Variants in GAS7 observed in about 807,000 individuals in gnomAD.
GAS7 encodes the protein growth arrest specific 7.
A neutral mutation model predicts 71.1 loss-of-function variants in GAS7; 28 were observed. The ratio of observed to expected loss-of-function variants is 0.39; its 90% confidence interval spans 0.29 to 0.54. GAS7 has a LOEUF of 0.54. Among genes scored for constraint, GAS7 ranks in the 20% least tolerant of loss-of-function variants. GAS7 has a pLI of 0.62. For synonymous variants in GAS7, 258 were observed against 245.8 expected (o/e 1.05, Z -0.46); for missense variants, 436 against 627.8 (o/e 0.69, Z 3.27).
At chr17:9,927,479 CA>C (rs565071341) in intron 9 of GAS7, among the ~76,000 whole-genome samples, 98 of 123,354 alleles carry the variant, frequency 7.9e-4, no homozygotes, top group Non-Finnish European at 8.7e-4. Flanking sequence ...GACTTGGTCT[CA>C]AAAAAAAAAA....
chr17:10,115,798 C>G (rs1036733182), intron 1 of GAS7, among the ~76,000 whole-genome samples: 1 of 152,206 alleles, frequency 6.6e-6, no homozygotes, highest in African/African-American at 2.4e-5. Flanking sequence ...CCGTGCCCCA[C>G]TCACCAACCT....
chr17:10,197,333 T>C (rs1215069111), intron 1 of GAS7, among the ~76,000 whole-genome samples: 1 of 152,216 alleles, frequency 6.6e-6, no homozygotes, highest in African/African-American at 2.4e-5. Context: ...TGAAGGTAAC[T>C]GTTAATTTAG....
chr17:9,967,786 G>A (rs2069782182), intron 4 of GAS7, among the ~76,000 whole-genome samples: 2 of 152,154 alleles, frequency 1.3e-5, no homozygotes. Flanking sequence ...TTATGGTGCT[G>A]TAAATAATGT....
intron 3 of GAS7, among the ~76,000 whole-genome samples, chr17:9,975,686 T>C (rs1273803192): frequency 5.3e-5 from 8 of 152,216 alleles, no homozygotes; most frequent in Non-Finnish European, 1.5e-5. Context: ...AAAGGGTCAG[T>C]GTTACGGTCC....
chr17:10,137,182 C>T (rs2074045753), intron 1 of GAS7, among the ~76,000 whole-genome samples: 2 of 152,106 alleles, frequency 1.3e-5, no homozygotes, highest in South Asian at 4.1e-4. Flanking sequence ...CCAACTCGAG[C>T]TTCGTGGGCA....
intron 2 of GAS7, among the ~76,000 whole-genome samples, chr17:10,004,197 A>G (rs2071379493): frequency 6.6e-6 from 1 of 152,192 alleles, no homozygotes; most frequent in African/African-American, 2.4e-5. Flanking sequence ...TGCAAACAAG[A>G]AGCCATTCGC....
intron 1 of GAS7, among the ~76,000 whole-genome samples, chr17:10,077,709 A>T (rs3967769): frequency 1.1e-4 from 17 of 152,084 alleles, no homozygotes; most frequent in Non-Finnish European, 2.1e-4. Context: ...ACAAGCCATA[A>T]TGAAAACAGG....
chr17:9,927,519 A>C (rs984425923), intron 9 of GAS7, among the ~76,000 whole-genome samples: 1 of 151,806 alleles, frequency 6.6e-6, no homozygotes, highest in Non-Finnish European at 1.5e-5. Context: ...AAACAATAAT[A>C]ATCAATGACC....
chr17:10,172,667 C>G (rs1485526433), intron 1 of GAS7, among the ~76,000 whole-genome samples: 1 of 152,246 alleles, frequency 6.6e-6, no homozygotes, highest in Non-Finnish European at 1.5e-5. Context: ...TTACAACATT[C>G]TGCAGGGCTG....
intron 1 of GAS7, among the ~76,000 whole-genome samples, chr17:10,087,229 G>T (rs972542128): frequency 2.0e-5 from 3 of 152,206 alleles, no homozygotes; most frequent in Admixed American, 2.0e-4. Flanking sequence ...AGAGCACATG[G>T]GTTCAGCTAC....
intron 1 of GAS7, among the ~76,000 whole-genome samples, chr17:10,107,670 G>T (rs1333328115): frequency 1.3e-5 from 2 of 149,014 alleles, no homozygotes; most frequent in South Asian, 2.1e-4. Context: ...GTGGTGGTGG[G>T]CTGGGCAGGA....
chr17:10,144,868 A>G (rs1393387778), intron 1 of GAS7, among the ~76,000 whole-genome samples: 1 of 152,228 alleles, frequency 6.6e-6, no homozygotes, highest in East Asian at 1.9e-4. Flanking sequence ...TTTCTAAAAA[A>G]AAAGTCTTTT....
Position 10,015,783 on chromosome 17 carries a change from C to A in GAS7, c.304+3994G>T, listed in dbSNP as rs76650608. ...AGCTGACTCTTTGCCATCAGTAAGACACTCCCCATCCCCTAGCCCTTCCTT... is the reference window on the plus strand; with the variant it reads ...AGCTGACTCTTTGCCATCAGTAAGAAACTCCCCATCCCCTAGCCCTTCCTT... On this transcript the variant is annotated intron_variant, in intron 2 of 13. Coordinates refer to ENST00000432992, the MANE Select transcript of GAS7 (RefSeq NM_201433.2). Among the ~76,000 whole-genome samples, 1,457 of 152,180 alleles carry A rather than the reference C, an allele frequency of 9.6e-3. 48 individuals are homozygous for A. The East Asian group carries it at 0.099, about 10-fold the overall frequency.
At chr17:9,929,099 AC>A (rs1361281779) in intron 9 of GAS7, among the ~76,000 whole-genome samples, 1 of 151,946 alleles carries the variant, frequency 6.6e-6, no homozygotes, top group Non-Finnish European at 1.5e-5. Flanking sequence ...GAATAAATAA[AC>A]CCCTTTCCCA....
In GAS7 at chr17:10,034,693, G is replaced by A. The variant is rs2072705171; in HGVS notation, c.184-14796C>T. Among the ~76,000 whole-genome samples, 1 of 152,184 alleles carries A rather than the reference G, an allele frequency of 6.6e-6. No homozygotes were observed. Among genetic ancestry groups the A allele is most frequent in the South Asian group, 2.1e-4 (1 of 4,832 alleles). The stretch of plus-strand genomic sequence containing the variant: ...AGAAAAAAAGTCACATTCAAGTGTA[G>A]ACATGGGCATCATGTCTAGGAGGCA... On this transcript the variant is annotated intron_variant, in intron 1 of 13. Transcript: ENST00000432992. This position sits in a 1 kb window ranked among gnomAD's most constrained non-coding sequence, Gnocchi z 4.4.
chr17:10,012,156 C>A (rs927880621), intron 2 of GAS7, among the ~76,000 whole-genome samples: 4 of 152,106 alleles, frequency 2.6e-5, no homozygotes, highest in African/African-American at 9.7e-5. Flanking sequence ...CTTCAAATAT[C>A]CCTAATGTCC....
In GAS7 at chr17:9,977,570, T is replaced by C. The variant is rs2070254188; in HGVS notation, c.385+4234A>G. Among the ~76,000 whole-genome samples, 3 of 152,328 alleles carry C rather than the reference T, an allele frequency of 2.0e-5. No homozygotes were observed. In the South Asian group the frequency reaches 6.2e-4, roughly 32 times the overall value. The stretch of plus-strand genomic sequence containing the variant: ...TGGTTTAAAGTTTATTTCTTACTCA[T>C]GCGGGTCTCACCCAGAAAGCCTGGC... On this transcript the variant is annotated intron_variant, in intron 3 of 13. Coordinates refer to ENST00000432992, the MANE Select transcript of GAS7 (RefSeq NM_201433.2).
At chr17:10,195,758 C>A (rs1471579456) in intron 1 of GAS7, among the ~76,000 whole-genome samples, 1 of 152,164 alleles carries the variant, frequency 6.6e-6, no homozygotes, top group Non-Finnish European at 1.5e-5. Flanking sequence ...TCTGAGTCTG[C>A]CCTTCAGGAC....
intron 2 of GAS7, among the ~76,000 whole-genome samples, chr17:10,017,352 C>G (rs1374429361): frequency 6.7e-6 from 1 of 149,308 alleles, no homozygotes. Context: ...TTGAGACAGA[C>G]GGAGTCTTGC....
Sources: allele counts gnomAD v4.1 joint callset (sites outside exome capture counted in the v4.1 genomes callset), GRCh38; gene constraint gnomAD v4.1.1; non-coding constraint Gnocchi (gnomAD v3.1); transcripts MANE v1.5; gene names NCBI Gene and HGNC (gene_info 2026-07-23, HGNC 2026-07-21).